CCNY: variants seen among roughly 807,000 people sequenced by gnomAD.
CCNY encodes cyclin-Y.
Under a neutral mutation model 42.8 loss-of-function variants are expected in CCNY, and 19 were observed. That is an observed-to-expected ratio of 0.44 (90% CI 0.31 to 0.65). The LOEUF (loss-of-function observed/expected upper bound fraction) is 0.65, where lower values mean the gene tolerates loss of function less well. Among genes scored for constraint, CCNY ranks in the 30% least tolerant of loss-of-function variants. The pLI, the probability that CCNY is intolerant of heterozygous loss-of-function variation, is 0.07. For synonymous variants in CCNY, 165 were observed against 162.7 expected (o/e 1.01, Z -0.11); for missense variants, 370 against 437.3 (o/e 0.85, Z 1.37).
At chr10:35,378,395 G>C (rs1837101188) in intron 1 of CCNY, among the ~76,000 whole-genome samples, 1 of 152,112 alleles carries the variant, frequency 6.6e-6, no homozygotes, top group South Asian at 2.1e-4. Context: ...CAGCGGGTGT[G>C]ATCTTGACTG....
chr10:35,558,755 C>G (rs1383181548), intron 8 of CCNY, among the ~76,000 whole-genome samples: 2 of 152,116 alleles, frequency 1.3e-5, no homozygotes, highest in Non-Finnish European at 2.9e-5. Flanking sequence ...AGAGAGGTCT[C>G]GGAAGAAACC....
At chr10:35,422,242 G>A (rs1022859194) in intron 1 of CCNY, among the ~76,000 whole-genome samples, 2 of 151,926 alleles carry the variant, frequency 1.3e-5, no homozygotes, top group African/African-American at 4.8e-5. Context: ...CTGGCTCGTG[G>A]CACCTCAGCT....
intron 1 of CCNY, among the ~76,000 whole-genome samples, chr10:35,460,369 G>A (rs911307594): frequency 2.0e-5 from 3 of 152,220 alleles, no homozygotes; most frequent in Admixed American, 2.0e-4. Flanking sequence ...CTAGGAAGAA[G>A]CATCACTTCA....
chr10:35,437,712 G>C (rs1385094195), intron 1 of CCNY, among the ~76,000 whole-genome samples: 1 of 151,906 alleles, frequency 6.6e-6, no homozygotes, highest in Non-Finnish European at 1.5e-5. Context: ...AAGCTAGTAT[G>C]AATAGAGTGA....
chr10:35,566,094 A>G lies in CCNY; in HGVS notation c.818A>G (p.Lys273Arg), dbSNP rs1236811980. 1 of 1,614,230 alleles carries G rather than the reference A, an allele frequency of 6.2e-7. No homozygotes were observed. The highest frequency in any genetic ancestry group is 1.1e-5 in the South Asian group (1 of 91,086). ...NINVPSSVYAKYYFDLRSLAE... is the reference protein window; with the variant it reads ...NINVPSSVYARYYFDLRSLAE... Reference sequence around the variant, plus strand: ...AATGTTCCTTCCAGTGTCTATGCCAAGTATTATTTTGATCTTCGTTCTCTG... The same window carrying G: ...AATGTTCCTTCCAGTGTCTATGCCAGGTATTATTTTGATCTTCGTTCTCTG... The change falls in exon 9 of 10, where the codon AAG becomes AGG. Residue 273 changes from lysine (K) to arginine (R), a missense_variant. By Grantham distance (26) the Lys-to-Arg change is conservative (BLOSUM62 2). Transcript: ENST00000374704.
At chr10:35,396,574 G>A (rs1326204618) in intron 1 of CCNY, among the ~76,000 whole-genome samples, 1 of 152,244 alleles carries the variant, frequency 6.6e-6, no homozygotes, top group Non-Finnish European at 1.5e-5. Flanking sequence ...TCTGTTGCGT[G>A]TTCTCGGCAT....
intron 1 of CCNY, among the ~76,000 whole-genome samples, chr10:35,403,483 C>T (rs1267089537): frequency 6.6e-6 from 1 of 152,184 alleles, no homozygotes; most frequent in African/African-American, 2.4e-5. Context: ...CTTTAGCTAC[C>T]TTACCAGCAT....
At chr10:35,282,299 T>C (rs768873022) in intron 3 of CCNY, among the ~76,000 whole-genome samples, 4 of 151,988 alleles carry the variant, frequency 2.6e-5, no homozygotes, top group Non-Finnish European at 5.9e-5. Context: ...TTTTAAAAAA[T>C]TGTTTTTTAT....
At chr10:35,280,560 G>T (rs980884902) in intron 3 of CCNY, among the ~76,000 whole-genome samples, 2 of 152,118 alleles carry the variant, frequency 1.3e-5, no homozygotes, top group Non-Finnish European at 2.9e-5. Flanking sequence ...ACATGCAAAA[G>T]AATGAAGTTG....
At chr10:35,494,903 G>A (rs1368492891) in intron 2 of CCNY, among the ~76,000 whole-genome samples, 1 of 152,188 alleles carries the variant, frequency 6.6e-6, no homozygotes, top group East Asian at 1.9e-4. Context: ...TCTCTGGATT[G>A]TTGGATTAAA....
chr10:35,331,776 C>A (rs1375855128), upstream of CCNY, among the ~76,000 whole-genome samples: 1 of 152,136 alleles, frequency 6.6e-6, no homozygotes, highest in Non-Finnish European at 1.5e-5. Context: ...AAATATATTT[C>A]TCATGGTGGA....
chr10:35,263,047 C>A (rs1483460918), intron 3 of CCNY, among the ~76,000 whole-genome samples: 1 of 151,988 alleles, frequency 6.6e-6, no homozygotes, highest in Non-Finnish European at 1.5e-5. Context: ...TATAATGAGA[C>A]CCTGTCTCTA....
At chr10:35,534,960 C>A (rs995884644) in intron 7 of CCNY, among the ~76,000 whole-genome samples, 2 of 143,142 alleles carry the variant, frequency 1.4e-5, no homozygotes, top group Non-Finnish European at 3.0e-5. Flanking sequence ...TACATACACA[C>A]ACACACACAC....
At chr10:35,295,144 C>T (rs903339186) in intron 3 of CCNY, among the ~76,000 whole-genome samples, 6 of 151,898 alleles carry the variant, frequency 4.0e-5, no homozygotes. Flanking sequence ...AACAGTGAGA[C>T]CCTGTCTCCA....
chr10:35,494,672 C>A (rs1034099094), intron 2 of CCNY, among the ~76,000 whole-genome samples: 2 of 152,086 alleles, frequency 1.3e-5, no homozygotes, highest in East Asian at 3.8e-4. Context: ...GGATTAATGC[C>A]TTTATGTATT....
intron 1 of CCNY, among the ~76,000 whole-genome samples, chr10:35,403,131 TG>T (rs1392036048): frequency 5.3e-3 from 61 of 11,492 alleles, no homozygotes; most frequent in African/African-American, 0.017. Flanking sequence ...AAGGGTGGGG[TG>T]GGGGGGGTTG....
chr10:35,292,491 G>C (rs1217246617), intron 3 of CCNY, among the ~76,000 whole-genome samples: 1 of 152,106 alleles, frequency 6.6e-6, no homozygotes, highest in African/African-American at 2.4e-5. Context: ...CTCCCGAGTA[G>C]CTGGGATTAC....
At chr10:35,461,833 T>C (rs1351509215) in intron 1 of CCNY, among the ~76,000 whole-genome samples, 1 of 152,186 alleles carries the variant, frequency 6.6e-6, no homozygotes, top group Non-Finnish European at 1.5e-5. Flanking sequence ...GTTATTGAGG[T>C]ATCTCAGTGT....
chr10:35,400,109 C>A (rs1837611919), intron 1 of CCNY, among the ~76,000 whole-genome samples: 1 of 152,114 alleles, frequency 6.6e-6, no homozygotes, highest in African/African-American at 2.4e-5. Context: ...GATTTTAGCC[C>A]TGTGGATAGC....
Sources: allele counts gnomAD v4.1 joint callset (sites outside exome capture counted in the v4.1 genomes callset), GRCh38; gene constraint gnomAD v4.1.1; transcripts MANE v1.5; gene names NCBI Gene and HGNC (gene_info 2026-07-23, HGNC 2026-07-21).